Variants in SUMF1 observed in about 807,000 individuals in gnomAD.
SUMF1 encodes the protein formylglycine-generating enzyme.
A neutral mutation model predicts 47.6 loss-of-function variants in SUMF1; 48 were observed. The ratio of observed to expected loss-of-function variants is 1.01; its 90% CI spans 0.80 to 1.28. The LOEUF (loss-of-function observed/expected upper bound fraction) is 1.28. Among genes scored for constraint, SUMF1 ranks in the 50% most tolerant of loss-of-function variants. The pLI, the probability that SUMF1 is intolerant of heterozygous loss-of-function variation, is 0.00. For synonymous variants in SUMF1, 230 were observed against 192.1 expected, an observed-to-expected ratio of 1.20 and a Z score of -1.63; for missense variants, 571 against 485.4, an observed-to-expected ratio of 1.18 and a Z score of -1.66.
chr3:4,075,503 G>C (rs1329183036), intron 8 of SUMF1, among the ~76,000 whole-genome samples: 1 of 151,666 alleles, frequency 6.6e-6, no homozygotes, highest in Non-Finnish European at 1.5e-5. Flanking sequence ...AATTAGGCAA[G>C]AGAAAGAAAA....
intron 8 of SUMF1, among the ~76,000 whole-genome samples, chr3:4,287,029 A>G (rs1410513285): frequency 6.6e-6 from 1 of 152,162 alleles, no homozygotes; most frequent in African/African-American, 2.4e-5. Flanking sequence ...CTTAAGTGTC[A>G]TTTGCCTTGT....
chr3:4,330,689 A>T (rs1699032320), intron 8 of SUMF1, among the ~76,000 whole-genome samples: 1 of 152,168 alleles, frequency 6.6e-6, no homozygotes, highest in African/African-American at 2.4e-5. Flanking sequence ...TTGTCACTCA[A>T]CTGTCTTTTT....
intron 9 of SUMF1, among the ~76,000 whole-genome samples, chr3:4,051,674 T>A (rs1695113346): frequency 6.6e-6 from 1 of 152,122 alleles, no homozygotes; most frequent in Non-Finnish European, 1.5e-5. Context: ...AAGTCTCAAT[T>A]CCAGGACACT....
intron 8 of SUMF1, among the ~76,000 whole-genome samples, chr3:4,242,039 G>A (rs1276599381): frequency 6.6e-6 from 1 of 152,106 alleles, no homozygotes; most frequent in Non-Finnish European, 1.5e-5. Context: ...AAGATAGCTG[G>A]CTCGTTGGTC....
At chr3:4,305,326 T>G (rs1698147697) in intron 8 of SUMF1, among the ~76,000 whole-genome samples, 1 of 152,140 alleles carries the variant, frequency 6.6e-6, no homozygotes, top group Non-Finnish European at 1.5e-5. Flanking sequence ...CCTCAAGTGA[T>G]CCACCCACCT....
At chr3:4,383,487 C>T (rs1206527081) in intron 7 of SUMF1, among the ~76,000 whole-genome samples, 1 of 152,076 alleles carries the variant, frequency 6.6e-6, no homozygotes, top group Non-Finnish European at 1.5e-5. Flanking sequence ...TTAAAATATC[C>T]TCTGGTCGTG....
In SUMF1 at chr3:4,362,220, C is replaced by T. The variant is rs1417313558; in HGVS notation, c.1049G>A (p.Ser350Asn). The change falls in exon 9 of 9, where the codon AGC (serine) becomes AAC (asparagine). Residue 350 changes from serine to asparagine, a missense_variant. Coordinates refer to ENST00000272902, the MANE Select transcript of SUMF1 (RefSeq NM_182760.4). ...AGCAGAGCTATCAGGTGTGTTCTGG[C>T]TCCGAGCAGCACAGCGATACCTGTA... ...YCYRYRCAAR[S>N]QNTPDSSASN... 1 of 1,614,192 alleles carries T rather than the reference C, an allele frequency of 6.2e-7. No homozygotes were observed. Among genetic ancestry groups the T allele is most frequent in the East Asian group, 2.2e-5 (1 of 44,882 alleles).
At chr3:4,200,370 TC>T (rs1695515889) in intron 8 of SUMF1, among the ~76,000 whole-genome samples, 1 of 151,908 alleles carries the variant, frequency 6.6e-6, no homozygotes, top group Non-Finnish European at 1.5e-5. Context: ...GGCAGGGCAC[TC>T]CCCACTCTGC....
chr3:4,366,076 C>A (rs1483693599), intron 8 of SUMF1, among the ~76,000 whole-genome samples: 2 of 151,712 alleles, frequency 1.3e-5, no homozygotes, highest in South Asian at 2.1e-4. Context: ...GAGTTTCTGC[C>A]GAGAGATCCG....
downstream of SUMF1, among the ~76,000 whole-genome samples, chr3:4,357,240 C>A (rs1401464469): frequency 6.7e-6 from 1 of 149,336 alleles, no homozygotes; most frequent in African/African-American, 2.4e-5. Context: ...TAATCCCTTG[C>A]ATAAAATTCC....
chr3:4,165,462 A>G (rs974015016), intron 8 of SUMF1, among the ~76,000 whole-genome samples: 4 of 152,078 alleles, frequency 2.6e-5, no homozygotes, highest in Admixed American at 1.3e-4. Flanking sequence ...CTTATCATTA[A>G]CAGGAAGGGG....
intron 8 of SUMF1, among the ~76,000 whole-genome samples, chr3:4,148,376 G>A (rs967198640): frequency 2.0e-5 from 3 of 152,066 alleles, no homozygotes; most frequent in African/African-American, 4.8e-5. Context: ...TTAGTAGGTG[G>A]AAAATAAGCA....
intron 8 of SUMF1, among the ~76,000 whole-genome samples, chr3:4,278,193 C>T (rs1697457633): frequency 6.6e-6 from 1 of 151,718 alleles, no homozygotes; most frequent in Admixed American, 6.6e-5. Flanking sequence ...AGGACAAAAG[C>T]AAATTTTAAA....
intron 8 of SUMF1, among the ~76,000 whole-genome samples, chr3:4,091,737 A>G (rs1292294533): frequency 6.6e-6 from 1 of 152,080 alleles, no homozygotes; most frequent in Non-Finnish European, 1.5e-5. Flanking sequence ...TGTGCAACCT[A>G]TATTTACTGG....
At chr3:4,205,880 C>A (rs543077083) in intron 8 of SUMF1, among the ~76,000 whole-genome samples, 1 of 152,222 alleles carries the variant, frequency 6.6e-6, no homozygotes, top group Admixed American at 6.5e-5. Flanking sequence ...ACATCTGAAG[C>A]CACCATGGTA....
rs141452990 is a variant in SUMF1, at chr3:4,250,813, G to A, written c.1014+125517C>T. On this transcript the variant is annotated intron_variant and NMD_transcript_variant, in intron 8 of 12. Transcript: ENST00000448413. Reference sequence around the variant, plus strand: ...GATTTACTGGATATTTAAGCCCACTGTTGAGACTTGCTAATCAGAAAAAAA... The same window carrying A: ...GATTTACTGGATATTTAAGCCCACTATTGAGACTTGCTAATCAGAAAAAAA... 3.9e-4 allele frequency among the ~76,000 whole-genome samples: 59 copies of A among 152,256 alleles called. 1 individual carries two copies. The East Asian group carries it at 0.011, about 29-fold the overall frequency.
chr3:4,240,217 T>C (rs1038621095), intron 8 of SUMF1, among the ~76,000 whole-genome samples: 2 of 152,138 alleles, frequency 1.3e-5, no homozygotes, highest in East Asian at 3.9e-4. Context: ...AGGGATATTG[T>C]CCTGAAATAT....
chr3:4,219,521 G>T (rs1288703627), intron 8 of SUMF1, among the ~76,000 whole-genome samples: 1 of 152,148 alleles, frequency 6.6e-6, no homozygotes, highest in East Asian at 1.9e-4. Flanking sequence ...CTACCTGTAA[G>T]TTGCAAAGTC....
At chr3:4,035,030 A>G (rs146213189) in intron 9 of SUMF1, among the ~76,000 whole-genome samples, 40 of 152,072 alleles carry the variant, frequency 2.6e-4, no homozygotes, top group African/African-American at 9.2e-4. Flanking sequence ...GAGGTCCTCA[A>G]AGACTGTGAG....
Sources: allele counts gnomAD v4.1 joint callset (sites outside exome capture counted in the v4.1 genomes callset), GRCh38; gene constraint gnomAD v4.1.1; transcripts MANE v1.5; gene names NCBI Gene and HGNC (gene_info 2026-07-23, HGNC 2026-07-21).